RAPGEF1: variants seen among roughly 807,000 people sequenced by gnomAD.
RAPGEF1 encodes the protein Rap guanine nucleotide exchange factor 1.
Under a neutral mutation model 143.3 loss-of-function variants are expected in RAPGEF1, and 33 were observed. The observed-to-expected ratio is 0.23, with a 90% confidence interval of 0.17 to 0.31. RAPGEF1 has a LOEUF of 0.31. RAPGEF1 is among the 10% of genes least tolerant of loss of function. The pLI is 1.00. For missense variants in RAPGEF1, 1,199 were observed against 1,645.4 expected (o/e 0.73, Z 4.69); for synonymous variants, 629 against 676.5 (o/e 0.93, Z 1.09).
At chr9:131,692,512 A>G (rs991423200) in intron 1 of RAPGEF1, among the ~76,000 whole-genome samples, 4 of 152,236 alleles carry the variant, frequency 2.6e-5, no homozygotes, top group African/African-American at 9.6e-5. Context: ...TATGAGGGAC[A>G]GGTCTCATAC....
intron 16 of RAPGEF1, among the ~76,000 whole-genome samples, chr9:131,597,655 T>C (rs1435868369): frequency 2.0e-5 from 3 of 152,196 alleles, no homozygotes. Context: ...GGGCCCTTTT[T>C]CACCAACGAG....
intron 1 of RAPGEF1, among the ~76,000 whole-genome samples, chr9:131,739,067 C>A (rs994209972): frequency 1.5e-4 from 23 of 152,176 alleles, no homozygotes; most frequent in Non-Finnish European, 3.1e-4. Context: ...ACAGGCTCGA[C>A]AGTCATTGAA....
intron 1 of RAPGEF1, among the ~76,000 whole-genome samples, chr9:131,726,961 AC>A (rs1836719467): frequency 1.3e-5 from 2 of 152,142 alleles, no homozygotes; most frequent in South Asian, 2.1e-4. Flanking sequence ...CCACGATGGT[AC>A]CACTGCACTC....
At chr9:131,729,193 C>T (rs996619885) in intron 1 of RAPGEF1, among the ~76,000 whole-genome samples, 2 of 152,216 alleles carry the variant, frequency 1.3e-5, no homozygotes, top group African/African-American at 2.4e-5. Flanking sequence ...GCCTCTAACA[C>T]GGATGAGGGT....
intron 3 of RAPGEF1, among the ~76,000 whole-genome samples, chr9:131,645,400 T>A (rs1287598582): frequency 5.3e-5 from 8 of 152,202 alleles, no homozygotes; most frequent in Non-Finnish European, 5.9e-5. Flanking sequence ...AATCTGAAGA[T>A]GGGAGGCACT....
chr9:131,716,576 G>C (rs966756397), intron 1 of RAPGEF1, among the ~76,000 whole-genome samples: 1 of 152,154 alleles, frequency 6.6e-6, no homozygotes, highest in African/African-American at 2.4e-5. Context: ...GACCTGCCTG[G>C]GCAACATGGC....
intron 1 of RAPGEF1, among the ~76,000 whole-genome samples, chr9:131,682,743 T>C (rs756844941): frequency 6.6e-6 from 1 of 152,128 alleles, no homozygotes; most frequent in Admixed American, 6.6e-5. Flanking sequence ...AAGCAGCTTA[T>C]TGGGTAAGTC....
At chr9:131,659,491 C>CT (rs1973413300) in intron 1 of RAPGEF1, among the ~76,000 whole-genome samples, 3 of 149,046 alleles carry the variant, frequency 2.0e-5, no homozygotes, top group Non-Finnish European at 4.5e-5. Flanking sequence ...AGTGCTGGGA[C>CT]TACAGGTGTG....
chr9:131,709,500 C>T (rs1053868987), intron 1 of RAPGEF1: 5 of 814,918 alleles, frequency 6.1e-6, no homozygotes, highest in Non-Finnish European at 9.9e-6. Flanking sequence ...TGTTGGACTA[C>T]CTGTGCTTTC....
chr9:131,719,703 A>G (rs572679355), intron 1 of RAPGEF1, among the ~76,000 whole-genome samples: 8 of 151,632 alleles, frequency 5.3e-5, no homozygotes, highest in South Asian at 2.1e-4. Flanking sequence ...GATCCTCACG[A>G]TAAGAGAAGG....
chr9:131,588,023 C>T lies in RAPGEF1; in HGVS notation c.3057G>A (p.Pro1019=), dbSNP rs376086696. The T allele has an allele frequency of 5.0e-6, 8 of 1,611,478 alleles. No individual in the cohort carries two copies. The highest frequency in any genetic ancestry group is 2.2e-5 in the East Asian group (1 of 44,832). ...GGCTGTGAAAGTCGTGCAAGGTCCCCGGCCTGGAAGACAGAGGTGTGAGAA... is the reference window on the plus strand; with the variant it reads ...GGCTGTGAAAGTCGTGCAAGGTCCCTGGCCTGGAAGACAGAGGTGTGAGAA... ...PLAARGVAAR[P]GTLHDFHSHE... Residue 1019 remains proline (P), a synonymous_variant, in exon 21 of 27, where the codon CCG becomes CCA. Transcript: ENST00000683357.
chr9:131,739,850 C>G lies in RAPGEF1; in HGVS notation c.-20G>C. On this transcript the variant is annotated 5_prime_UTR_variant, in exon 1 of 27. Coordinates refer to ENST00000683357, the MANE Select transcript of RAPGEF1 (RefSeq NM_001377935.1). ...GCTCATCGGGCCCGGGCCGGGCCGC[C>G]GCGGGGCGACAGGGGCGGCGCGCCC... 9.8e-7 allele frequency: 1 copy of G among 1,016,680 alleles called. No homozygotes were observed. The allele number at this position is 1,016,680 out of a possible 1,614,324, so 63.0% of individuals were successfully genotyped here.
At chr9:131,594,269 T>C (rs1260040021) in intron 17 of RAPGEF1, among the ~76,000 whole-genome samples, 2 of 152,220 alleles carry the variant, frequency 1.3e-5, no homozygotes, top group African/African-American at 4.8e-5. Flanking sequence ...ACCTGGTCTT[T>C]GAGACAGCCC....
intron 12 of RAPGEF1, among the ~76,000 whole-genome samples, chr9:131,609,675 C>T (rs1256487978): frequency 3.9e-5 from 6 of 152,136 alleles, no homozygotes; most frequent in Non-Finnish European, 7.3e-5. Context: ...GGAGTCGAAA[C>T]GATGCTGGAG....
chr9:131,677,532 C>G (rs1463972061), intron 1 of RAPGEF1, among the ~76,000 whole-genome samples: 1 of 152,042 alleles, frequency 6.6e-6, no homozygotes, highest in Non-Finnish European at 1.5e-5. Flanking sequence ...ATTCTAGGCA[C>G]AAAATAACAA....
intron 4 of RAPGEF1, among the ~76,000 whole-genome samples, chr9:131,639,467 T>A (rs61292915): frequency 0.038 from 5,423 of 143,310 alleles, 208 homozygotes; most frequent in African/African-American, 0.096. Context: ...TGTGTGTGTG[T>A]GAGAGAGAGA....
rs184816664 is a variant in RAPGEF1 at position 131,701,240 on chromosome 9, T to C, written c.61+38530A>G. ...TTACGCACGTTCCCAGGGTAAAGCATATCCGAAAACCAATGGCTACGGATA... is the reference window on the plus strand; with the variant it reads ...TTACGCACGTTCCCAGGGTAAAGCACATCCGAAAACCAATGGCTACGGATA... On this transcript the variant is annotated intron_variant, in intron 1 of 26. Transcript: ENST00000683357. 1.7e-3 allele frequency among the ~76,000 whole-genome samples: 255 copies of C among 152,334 alleles called. 2 individuals are homozygous for C. Among genetic ancestry groups the C allele is most frequent in the African/African-American group, 5.9e-3 (244 of 41,574 alleles).
chr9:131,640,278 C>T (rs1967515373), intron 4 of RAPGEF1, among the ~76,000 whole-genome samples: 1 of 152,238 alleles, frequency 6.6e-6, no homozygotes, highest in South Asian at 2.1e-4. Context: ...AAGAAGCCTG[C>T]TGCCTTCCCC....
intron 1 of RAPGEF1, among the ~76,000 whole-genome samples, chr9:131,682,243 T>A (rs1302507891): frequency 1.3e-5 from 2 of 152,186 alleles, no homozygotes; most frequent in East Asian, 3.9e-4. Flanking sequence ...ATGTCCAAAA[T>A]GTAAAAAAGG....
Sources: allele counts gnomAD v4.1 joint callset (sites outside exome capture counted in the v4.1 genomes callset), GRCh38; gene constraint gnomAD v4.1.1; transcripts MANE v1.5; gene names NCBI Gene and HGNC (gene_info 2026-07-23, HGNC 2026-07-21).